GPHN: variants seen among roughly 807,000 people sequenced by gnomAD.
GPHN encodes gephyrin.
Under a neutral mutation model 95.5 loss-of-function variants are expected in GPHN, and 17 were observed. That is an observed-to-expected ratio of 0.18 (90% CI 0.12 to 0.27). GPHN has a LOEUF of 0.27. Among genes scored for constraint, GPHN ranks in the 10% least tolerant of loss-of-function variants. GPHN has a pLI of 1.00. For missense variants in GPHN, 660 were observed against 978.1 expected (o/e 0.67, Z 4.34); for synonymous variants, 320 against 322.5 (o/e 0.99, Z 0.08).
At chr14:67,393,298 G>A in the GPHN span, 1 of 1,200,904 alleles carries the variant, frequency 8.3e-7, no homozygotes, top group Non-Finnish European at 1.2e-6. Context: ...CAGGTATAAG[G>A]GAGGGTCCTG....
intron 1 of GPHN, among the ~76,000 whole-genome samples, chr14:66,598,437 C>T (rs1458755328): frequency 6.6e-6 from 1 of 151,896 alleles, no homozygotes. Context: ...GTTAATTTGC[C>T]CATAGTTTTA....
intron 1 of GPHN, among the ~76,000 whole-genome samples, chr14:66,597,548 G>A (rs111291731): frequency 1.3e-5 from 2 of 152,182 alleles, no homozygotes; most frequent in African/African-American, 4.8e-5. Context: ...CCAGGAGTGG[G>A]GAGAGGCCAG....
the GPHN span, among the ~76,000 whole-genome samples, chr14:67,226,344 A>G: frequency 6.6e-6 from 1 of 150,856 alleles, no homozygotes; most frequent in South Asian, 2.1e-4. Context: ...GACAAGCACC[A>G]CCACAACCAG....
At chr14:66,623,478 T>C (rs930647561) in intron 1 of GPHN, among the ~76,000 whole-genome samples, 1 of 151,918 alleles carries the variant, frequency 6.6e-6, no homozygotes, top group Non-Finnish European at 1.5e-5. Flanking sequence ...ATTGGCTGGG[T>C]GTGGTGATGT....
At chr14:67,473,702 G>A in the GPHN span, 1 of 1,594,950 alleles carries the variant, frequency 6.3e-7, no homozygotes. This position sits in a 1 kb window ranked among gnomAD's most constrained non-coding sequence, Gnocchi z 6.5. Flanking sequence ...GGCAGCGCAG[G>A]AGCAGCGGGC....
chr14:67,650,401 CCT>C, the GPHN span: 1 of 327,722 alleles, frequency 3.1e-6, no homozygotes, highest in Non-Finnish European at 5.7e-6. Context: ...AGGATGAAAA[CCT>C]CCCCCACCCA....
At chr14:67,392,722 G>T in the GPHN span, 1 of 1,614,206 alleles carries the variant, frequency 6.2e-7, no homozygotes, top group Non-Finnish European at 8.5e-7. Flanking sequence ...CAGAGCGAAT[G>T]GCTCCCATGC....
the GPHN span, chr14:67,589,442 G>A: frequency 1.0e-6 from 1 of 985,160 alleles, no homozygotes; most frequent in Non-Finnish European, 1.2e-6. Flanking sequence ...AAAAAAAAAT[G>A]CTGAGTAACA....
At chr14:67,263,436 T>G in the GPHN span, among the ~76,000 whole-genome samples, 1 of 152,228 alleles carries the variant, frequency 6.6e-6, no homozygotes, top group African/African-American at 2.4e-5. Flanking sequence ...GCAAATGTAC[T>G]TCATAGAATT....
At chr14:67,165,723 G>A (rs1221488468) in intron 20 of GPHN, among the ~76,000 whole-genome samples, 1 of 152,186 alleles carries the variant, frequency 6.6e-6, no homozygotes, top group Admixed American at 6.5e-5. Flanking sequence ...AAGAGGAAAG[G>A]CCAGGCTACT....
intron 1 of GPHN, among the ~76,000 whole-genome samples, chr14:66,580,508 A>T (rs544840373): frequency 6.6e-6 from 1 of 151,948 alleles, no homozygotes; most frequent in East Asian, 1.9e-4. Flanking sequence ...AAGAGGAGAC[A>T]TTACATCTTA....
intron 10 of GPHN, among the ~76,000 whole-genome samples, chr14:67,036,038 G>A (rs568673155): frequency 6.6e-6 from 1 of 151,740 alleles, no homozygotes; most frequent in Non-Finnish European, 1.5e-5. Flanking sequence ...CAGCCATGTG[G>A]GATTTATCCC....
At chr14:66,565,938 A>G (rs1267379149) in intron 1 of GPHN, among the ~76,000 whole-genome samples, 2 of 150,842 alleles carry the variant, frequency 1.3e-5, no homozygotes, top group African/African-American at 2.5e-5. Flanking sequence ...GAAACAATAT[A>G]AGAGCAAAAC....
intron 2 of GPHN, among the ~76,000 whole-genome samples, chr14:66,739,599 C>A (rs1041152182): frequency 9.4e-5 from 14 of 149,246 alleles, no homozygotes; most frequent in Non-Finnish European, 1.3e-4. Flanking sequence ...TTAAAGTAGT[C>A]TATGATGGAT....
intron 8 of GPHN, among the ~76,000 whole-genome samples, chr14:66,964,718 A>G (rs1166627711): frequency 6.6e-6 from 1 of 152,120 alleles, no homozygotes; most frequent in Non-Finnish European, 1.5e-5. Context: ...CCCTATCCCA[A>G]CTCAGTCTTC....
intron 17 of GPHN, among the ~76,000 whole-genome samples, chr14:67,131,171 A>T (rs1467450346): frequency 1.3e-5 from 2 of 151,930 alleles, no homozygotes; most frequent in Non-Finnish European, 2.9e-5. Context: ...GATATTGGTC[A>T]TTTGAGCACA....
At chr14:66,605,722 C>T (rs143336712) in intron 1 of GPHN, among the ~76,000 whole-genome samples, 83 of 151,840 alleles carry the variant, frequency 5.5e-4, no homozygotes, top group African/African-American at 1.5e-3. Context: ...TTAGTAGAGA[C>T]GGGGTTTCAC....
the GPHN span, chr14:67,312,741 T>C: frequency 7.0e-7 from 1 of 1,438,144 alleles, no homozygotes; most frequent in Non-Finnish European, 9.2e-7. Context: ...AAGTACATAA[T>C]ATTAAAAGAA....
At position 66,837,334 on chromosome 14, in the gene GPHN, T is replaced by G. The variant is rs972048860; in HGVS notation, c.294+12768T>G. On this transcript the variant is annotated intron_variant, in intron 4 of 22. Transcript: ENST00000478722. ...TTGGGAACCATCATTCTCAGTAAAC[T>G]ATCGCAAGAACAAAAAACCAAACAC... Among the ~76,000 whole-genome samples the G allele has an allele frequency of 4.4e-4, 66 of 150,516 alleles. 1 individual carries two copies. The highest frequency in any genetic ancestry group is 1.5e-3 in the African/African-American group (61 of 40,740).
Sources: allele counts gnomAD v4.1 joint callset (sites outside exome capture counted in the v4.1 genomes callset), GRCh38; gene constraint gnomAD v4.1.1; non-coding constraint Gnocchi (gnomAD v3.1); transcripts MANE v1.5; gene names NCBI Gene and HGNC (gene_info 2026-07-23, HGNC 2026-07-21).